Variants in RPL26L1 observed in about 807,000 individuals in gnomAD.
RPL26L1 encodes the protein ribosomal protein uL24-like.
RPL26L1 carries 8 observed loss-of-function variants against 15.2 expected under a neutral mutation model. The observed-to-expected ratio is 0.53, with a 90% CI of 0.31 to 0.95. The LOEUF is 0.95. Ranked by LOEUF, RPL26L1 falls within the 40% of genes least tolerant of loss-of-function variation. RPL26L1 has a pLI of 0.05. For synonymous variants in RPL26L1, 51 were observed against 65.9 expected (o/e 0.77, Z 1.09); for missense variants, 146 against 190.9 (o/e 0.76, Z 1.39).
upstream of RPL26L1, chr5:172,958,416 T>G (rs1388912591): frequency 6.6e-6 from 3 of 455,888 alleles, no homozygotes; most frequent in Non-Finnish European, 1.3e-5. Context: ...CCTCTCTGAG[T>G]TTCAGCATGC....
At chr5:172,963,485 A>G (rs1314047404) in intron 2 of RPL26L1, among the ~76,000 whole-genome samples, 2 of 152,124 alleles carry the variant, frequency 1.3e-5, no homozygotes, top group Admixed American at 6.6e-5. Flanking sequence ...CTACACTTTA[A>G]CCACACTGGG....
At chr5:172,959,577 T>C (rs1755137720) in intron 1 of RPL26L1, 109 bp downstream of exon 1, 1 of 1,203,464 alleles carries the variant, frequency 8.3e-7, no homozygotes, top group Non-Finnish European at 1.0e-6. Flanking sequence ...TTGAGTGACC[T>C]CCCGACCACC....
chr5:172,961,991 G>A (rs547779271), intron 2 of RPL26L1, among the ~76,000 whole-genome samples: 1 of 152,264 alleles, frequency 6.6e-6, no homozygotes, highest in East Asian at 1.9e-4. Context: ...TCCAGTAAGT[G>A]CCATTTATAT....
At chr5:172,958,541 G>C (rs928208376), upstream of RPL26L1, 6 of 409,114 alleles carry the variant, frequency 1.5e-5, no homozygotes, top group African/African-American at 6.1e-5. Flanking sequence ...AACCCGAAGA[G>C]AGTCGAGACC....
chr5:172,968,925 A>G (rs965614160), intron 3 of RPL26L1, among the ~76,000 whole-genome samples: 5 of 144,640 alleles, frequency 3.5e-5, no homozygotes, highest in African/African-American at 5.1e-5. Flanking sequence ...CTCCTGCCTC[A>G]GCCTCCCAAG....
Position 172,959,435 on chromosome 5 carries a change from T to C in RPL26L1, c.-43T>C, listed in dbSNP as rs1208743788. ...CGGCACGGAAACTCACTTCCGGCCCTGCGCACTCAGGGTCTGAGGCAGCTA... is the reference window on the plus strand; with the variant it reads ...CGGCACGGAAACTCACTTCCGGCCCCGCGCACTCAGGGTCTGAGGCAGCTA... On this transcript the variant is annotated 5_prime_UTR_variant, in exon 1 of 4. Transcript: ENST00000265100. 2 of 997,884 alleles carry C rather than the reference T, an allele frequency of 2.0e-6. No individual in the cohort carries two copies. Among genetic ancestry groups the C allele is most frequent in the African/African-American group, 3.5e-5 (2 of 57,798 alleles). The allele number at this position is 997,884 out of a possible 1,614,324, so 61.8% of individuals were successfully genotyped here.
Position 172,959,892 on chromosome 5 carries a change from G to T in RPL26L1, c.19G>T (p.Val7Phe). MKFNPF[V>F]TSDRSKNRKR... Reference sequence around the variant, plus strand: ...GGTCACCATGAAGTTCAATCCCTTCGTTACCTCGGACCGCAGTAAAAACCG... The same window carrying T: ...GGTCACCATGAAGTTCAATCCCTTCTTTACCTCGGACCGCAGTAAAAACCG... The change falls in exon 2 of 4, where the codon GTT (valine) becomes TTT (phenylalanine). Residue 7 changes from valine (V) to phenylalanine (F), a missense_variant. By Grantham distance (50) the Val-to-Phe change is conservative. Coordinates refer to ENST00000265100, the MANE Select transcript of RPL26L1 (RefSeq NM_016093.4). 1 of 1,614,026 alleles carries T rather than the reference G, an allele frequency of 6.2e-7. No homozygotes were observed. The highest frequency in any genetic ancestry group is 1.1e-5 in the South Asian group (1 of 91,072).
chr5:172,969,342 T>A (rs938612415), intron 3 of RPL26L1, 71 bp from the exon 4 acceptor site: 2 of 1,512,720 alleles, frequency 1.3e-6, no homozygotes, highest in African/African-American at 2.8e-5. Flanking sequence ...CTTACTTAAC[T>A]TATGATGTCT....
rs181651698 is a variant in RPL26L1 at position 172,963,128 on chromosome 5, G to A, written c.168+3087G>A. Among the ~76,000 whole-genome samples, 518 of 151,800 alleles carry A rather than the reference G, an allele frequency of 3.4e-3. 1 individual carries two copies. The highest frequency in any genetic ancestry group is 3.7e-3 in the Non-Finnish European group (254 of 67,892). Reference sequence around the variant, plus strand: ...CGCGGTGGCTCACGCCTGTAATCCCGACACTTTGGGAGGCTGAGGTGGGTG... The same window carrying A: ...CGCGGTGGCTCACGCCTGTAATCCCAACACTTTGGGAGGCTGAGGTGGGTG... On this transcript the variant is annotated intron_variant, in intron 2 of 3. Coordinates refer to ENST00000265100, the MANE Select transcript of RPL26L1 (RefSeq NM_016093.4).
At chr5:172,955,116 G>A (rs1385932778), upstream of RPL26L1, 1 of 380,956 alleles carries the variant, frequency 2.6e-6, no homozygotes, top group Non-Finnish European at 5.1e-6. Flanking sequence ...TTCATAAATA[G>A]TAGCTGTGGT....
At chr5:172,965,555 C>G (rs1755420228) in intron 2 of RPL26L1, among the ~76,000 whole-genome samples, 1 of 152,182 alleles carries the variant, frequency 6.6e-6, no homozygotes, top group South Asian at 2.1e-4. Flanking sequence ...GCATTCCAGC[C>G]ACAGCCACTG....
chr5:172,968,515 A>G lies in RPL26L1; in HGVS notation c.225A>G (p.Arg75=), dbSNP rs778777479. The change falls in exon 3 of 4, where the codon AGA becomes AGG. Residue 75 remains arginine, a synonymous_variant. Coordinates refer to ENST00000265100, the MANE Select transcript of RPL26L1 (RefSeq NM_016093.4). ...QQIGKVVQVY[R]KKYVIYIERV... Reference sequence around the variant, plus strand: ...TTGGCAAGGTAGTCCAGGTGTACAGAAAGAAATATGTCATCTACATCGAGC... The same window carrying G: ...TTGGCAAGGTAGTCCAGGTGTACAGGAAGAAATATGTCATCTACATCGAGC... The G allele has an allele frequency of 2.5e-6, 4 of 1,614,194 alleles. No homozygotes were observed. The highest frequency in any genetic ancestry group is 3.4e-6 in the Non-Finnish European group (4 of 1,180,030).
chr5:172,957,583 T>C (rs1193064227), upstream of RPL26L1: 2 of 279,374 alleles, frequency 7.2e-6, no homozygotes, highest in South Asian at 6.5e-5. Flanking sequence ...GGATATGTGA[T>C]AGAGAAATGA....
chr5:172,968,711 T>C (rs1357911493), intron 3 of RPL26L1, 112 bp downstream of exon 3: 38 of 1,201,346 alleles, frequency 3.2e-5, no homozygotes, highest in Non-Finnish European at 4.3e-5. Flanking sequence ...CCAGGTGGAC[T>C]TGATTGATTC....
intron 2 of RPL26L1, among the ~76,000 whole-genome samples, chr5:172,963,013 C>A (rs1194880376): frequency 2.0e-5 from 3 of 152,072 alleles, no homozygotes; most frequent in East Asian, 3.9e-4. Context: ...GGAACTAATA[C>A]ATTTAAGAGA....
At chr5:172,966,141 T>A (rs1361493741) in intron 2 of RPL26L1, among the ~76,000 whole-genome samples, 2 of 151,614 alleles carry the variant, frequency 1.3e-5, no homozygotes, top group African/African-American at 4.8e-5. Context: ...TTTAAATTAA[T>A]TTTTTATTTT....
chr5:172,969,585 G>A lies in RPL26L1; in HGVS notation c.*44G>A, dbSNP rs1359069981. On this transcript the variant is annotated 3_prime_UTR_variant, in exon 4 of 4. Transcript: ENST00000265100. ...CCACGGTTTAACCGGAGATTTTGAG[G>A]CTAGGGTGTGTTTCTTTCGAACTTT... The A allele has an allele frequency of 1.3e-6, 2 of 1,573,972 alleles. No individual in the cohort carries two copies. Among genetic ancestry groups the A allele is most frequent in the Non-Finnish European group, 1.7e-6 (2 of 1,155,766 alleles).
chr5:172,962,456 C>T (rs767917833), intron 2 of RPL26L1, among the ~76,000 whole-genome samples: 1 of 151,940 alleles, frequency 6.6e-6, no homozygotes, highest in East Asian at 1.9e-4. Context: ...TGCAATGAAC[C>T]GAGATTGTGC....
At chr5:172,959,682 C>A in intron 1 of RPL26L1, 183 bp from the exon 2 acceptor site, 3 of 1,067,076 alleles carry the variant, frequency 2.8e-6, no homozygotes, top group Non-Finnish European at 3.9e-6. Flanking sequence ...GCGACCTCCA[C>A]ACACGCCTCA....
Sources: allele counts gnomAD v4.1 joint callset (sites outside exome capture counted in the v4.1 genomes callset), GRCh38; gene constraint gnomAD v4.1.1; transcripts MANE v1.5; gene names NCBI Gene and HGNC (gene_info 2026-07-23, HGNC 2026-07-21).